Variants in RTN4 observed in about 807,000 individuals in gnomAD.
The protein encoded by RTN4 is reticulon-4.
RTN4 carries 32 observed loss-of-function variants against 90.4 expected under a neutral mutation model. The ratio of observed to expected loss-of-function variants is 0.35; its 90% CI spans 0.27 to 0.48. The LOEUF (loss-of-function observed/expected upper bound fraction) is 0.48. Ranked by LOEUF, RTN4 falls within the 20% of genes least tolerant of loss-of-function variation. The pLI is 0.99. For missense variants in RTN4, 1,706 were observed against 1,430.2 expected (o/e 1.19, Z -3.11); for synonymous variants, 629 against 552.5 (o/e 1.14, Z -1.94).
intron 4 of RTN4, among the ~76,000 whole-genome samples, chr2:54,983,834 G>T (rs948370944): frequency 6.6e-6 from 1 of 152,122 alleles, no homozygotes; most frequent in Non-Finnish European, 1.5e-5. Context: ...CATTGCAAAA[G>T]GCATTTAACT....
intron 3 of RTN4, among the ~76,000 whole-genome samples, chr2:55,004,872 A>G (rs1558792870): frequency 1.3e-5 from 2 of 152,184 alleles, no homozygotes; most frequent in South Asian, 4.1e-4. Flanking sequence ...AAAAAAGTAC[A>G]AAATGAAAAC....
At position 55,026,416 on chromosome 2, in the gene RTN4, A is replaced by C; in HGVS notation, c.1683T>G (p.Ser561Arg). ...TPDLVQEACE[S>R]ELNEVTGTKI... Reference sequence around the variant, plus strand: ...TTGTACCAGTAACTTCATTCAATTCACTTTCACATGCTTCCTGTACTAAAT... The same window carrying C: ...TTGTACCAGTAACTTCATTCAATTCCCTTTCACATGCTTCCTGTACTAAAT... The change falls in exon 3 of 9, where the codon AGT (serine) becomes AGG (arginine). Residue 561 changes from serine to arginine, a missense_variant. Coordinates refer to ENST00000337526, the MANE Select transcript of RTN4 (RefSeq NM_020532.5). 6.2e-7 allele frequency: 1 copy of C among 1,613,856 alleles called. No individual in the cohort carries two copies.
At chr2:55,043,109 G>A (rs948282728) in intron 1 of RTN4, among the ~76,000 whole-genome samples, 3 of 152,250 alleles carry the variant, frequency 2.0e-5, no homozygotes, top group East Asian at 1.9e-4. Flanking sequence ...GTAAAGCTGG[G>A]TCTCATCATT....
At chr2:54,982,417 T>G (rs1489767572) in intron 5 of RTN4, 98 bp downstream of exon 5, 10 of 1,020,768 alleles carry the variant, frequency 9.8e-6, no homozygotes, top group Admixed American at 2.8e-5. Flanking sequence ...TAATTAATAT[T>G]TATCATTTAC....
chr2:55,131,537 C>T, the RTN4 span, among the ~76,000 whole-genome samples: 1 of 152,080 alleles, frequency 6.6e-6, no homozygotes, highest in South Asian at 2.1e-4. Flanking sequence ...TTTTAAAGCC[C>T]CAAACATTCT....
chr2:54,986,320 G>A (rs896694841), intron 4 of RTN4, among the ~76,000 whole-genome samples: 1 of 152,176 alleles, frequency 6.6e-6, no homozygotes, highest in Non-Finnish European at 1.5e-5. Flanking sequence ...AGTCCAATTA[G>A]GGGTCAGCAA....
At chr2:55,065,931 T>C (rs1383209798) in intron 2 of RTN4, among the ~76,000 whole-genome samples, 1 of 152,216 alleles carries the variant, frequency 6.6e-6, no homozygotes, top group Non-Finnish European at 1.5e-5. Flanking sequence ...TAGAAGGTAG[T>C]GTGCATAAAC....
the RTN4 span, among the ~76,000 whole-genome samples, chr2:55,126,369 C>T: frequency 7.3e-6 from 1 of 137,564 alleles, no homozygotes; most frequent in Non-Finnish European, 1.6e-5. Flanking sequence ...AACTCCGTCT[C>T]AAAAAGAAAA....
chr2:55,031,761 A>T (rs1223167321), intron 1 of RTN4, among the ~76,000 whole-genome samples: 1 of 152,178 alleles, frequency 6.6e-6, no homozygotes, highest in Non-Finnish European at 1.5e-5. Context: ...GCTGTCTATA[A>T]CTACTTTTGC....
chr2:55,010,377 G>A (rs199933333), intron 3 of RTN4: 9 of 1,292,174 alleles, frequency 7.0e-6, no homozygotes, highest in Non-Finnish European at 8.9e-6. Context: ...TCTGTTGATT[G>A]TTTTAGGCAT....
At chr2:55,038,313 A>G (rs910032284) in intron 1 of RTN4, among the ~76,000 whole-genome samples, 3 of 152,204 alleles carry the variant, frequency 2.0e-5, no homozygotes, top group African/African-American at 7.2e-5. Context: ...ACTCATCAAA[A>G]GAATCAATAA....
intron 1 of RTN4, among the ~76,000 whole-genome samples, chr2:55,034,048 T>C (rs1465106353): frequency 6.6e-6 from 1 of 152,162 alleles, no homozygotes; most frequent in Non-Finnish European, 1.5e-5. Flanking sequence ...AATATACTGA[T>C]TGGTTAACAA....
chr2:55,125,022 T>G, the RTN4 span, among the ~76,000 whole-genome samples: 6 of 152,298 alleles, frequency 3.9e-5, no homozygotes, highest in East Asian at 1.2e-3. Flanking sequence ...TGCGGAAGAT[T>G]GAAAATGGAC....
At position 55,030,062 on chromosome 2, in the gene RTN4, T is replaced by C. The variant is rs187913795; in HGVS notation, c.557-1842A>G. The stretch of plus-strand genomic sequence containing the variant: ...CAATTCTTAACAAAATGGTTGTCTT[T>C]TTTATCTAGACAATATAGTTAAAAG... On this transcript the variant is annotated intron_variant, in intron 1 of 8. Transcript: ENST00000337526. 7.2e-3 allele frequency among the ~76,000 whole-genome samples: 1,097 copies of C among 152,300 alleles called. 9 individuals are homozygous for C. Among genetic ancestry groups the C allele is most frequent in the Middle Eastern group, 0.014 (4 of 294 alleles).
At chr2:55,056,888 T>C (rs1668199630) in intron 2 of RTN4, among the ~76,000 whole-genome samples, 1 of 152,118 alleles carries the variant, frequency 6.6e-6, no homozygotes, top group African/African-American at 2.4e-5. Flanking sequence ...GCCAGAAATT[T>C]TACAATGGAG....
the RTN4 span, among the ~76,000 whole-genome samples, chr2:55,128,056 G>A: frequency 6.6e-6 from 1 of 151,644 alleles, no homozygotes; most frequent in Non-Finnish European, 1.5e-5. Context: ...TTTTGTAGAG[G>A]CGAGATCTTC....
rs1681960695 is a variant in RTN4 at position 55,027,168 on chromosome 2, C to T, written c.931G>A (p.Glu311Lys). The T allele has an allele frequency of 6.2e-7, 1 of 1,613,524 alleles. No homozygotes were observed. Among genetic ancestry groups the T allele is most frequent in the African/African-American group, 1.3e-5 (1 of 74,886 alleles). Residue 311 changes from glutamate to lysine, a missense_variant, in exon 3 of 9, where the codon GAA (glutamate) becomes AAA (lysine). Physicochemically the swap from Glu to Lys is moderately conservative, Grantham distance 56. Coordinates refer to ENST00000337526, the MANE Select transcript of RTN4 (RefSeq NM_020532.5). ...GGATTTGCTACTATTACGGCAGATT[C>T]TGCTTTTGGAGAGACACTGAACGAT... Reference protein sequence around the residue: ...GSSFSVSPKAESAVIVANPRE... With the variant: ...GSSFSVSPKAKSAVIVANPRE...
At chr2:55,009,282 T>G (rs1042343386) in intron 3 of RTN4, among the ~76,000 whole-genome samples, 13 of 152,276 alleles carry the variant, frequency 8.5e-5, no homozygotes, top group Admixed American at 7.9e-4. Context: ...AGGTAATTTA[T>G]TATAAGTGGT....
Position 55,025,869 on chromosome 2 carries a change from G to T in RTN4, c.2230C>A (p.Pro744Thr). 1 of 1,613,714 alleles carries T rather than the reference G, an allele frequency of 6.2e-7. No homozygotes were observed. The highest frequency in any genetic ancestry group is 8.5e-7 in the Non-Finnish European group (1 of 1,179,800). The part of the protein sequence containing the change: ...LVEDSSPDSE[P>T]VDLFSDDSIP... ...GAATCATCACTAAATAAGTCAACTG[G>T]TTCAGAATCAGGTGAGGAATCTTCA... Residue 744 changes from proline (P) to threonine (T), a missense_variant, in exon 3 of 9, where the codon CCA becomes ACA. Pro to Thr is a conservative substitution (Grantham distance 38). Coordinates refer to ENST00000337526, the MANE Select transcript of RTN4 (RefSeq NM_020532.5).
Sources: gnomAD v4.1 joint callset for allele counts (sites outside exome capture counted in the v4.1 genomes callset) on GRCh38, gnomAD v4.1.1 for gene constraint, MANE v1.5 for transcripts, NCBI Gene and HGNC (gene_info 2026-07-23, HGNC 2026-07-21) for gene names.